The following INF2 variants were observed in gnomAD, a reference collection of about 807,000 sequenced individuals.
INF2 encodes inverted formin 2.
INF2 carries 43 observed loss-of-function variants against 123.5 expected under a neutral mutation model. That is an observed-to-expected ratio of 0.35 (90% confidence interval 0.27 to 0.45). The LOEUF (loss-of-function observed/expected upper bound fraction) is 0.45. Ranked by LOEUF, INF2 falls within the 20% of genes least tolerant of loss-of-function variation. The probability of loss-of-function intolerance (pLI) is 1.00; values close to 1 mark genes in which losing one functional copy is unlikely to be tolerated. For missense variants in INF2, 1,453 were observed against 1,682.7 expected (o/e 0.86, Z 2.39); for synonymous variants, 851 against 745.0 (o/e 1.14, Z -2.32).
chr14:104,703,244 G>A (rs1490383020), intron 3 of INF2, 24 bp downstream of exon 3: 2 of 1,613,054 alleles, frequency 1.2e-6, no homozygotes, highest in African/African-American at 2.7e-5. Context: ...CCTGGGCCTG[G>A]GCACATGGGG....
intron 1 of INF2, among the ~76,000 whole-genome samples, chr14:104,690,892 G>A (rs1425216920): frequency 6.6e-6 from 1 of 152,216 alleles, no homozygotes; most frequent in Non-Finnish European, 1.5e-5. Context: ...GCAGCAAATA[G>A]TAGCATTGGG....
intron 1 of INF2, among the ~76,000 whole-genome samples, chr14:104,698,735 G>A (rs1269836923): frequency 6.6e-6 from 1 of 151,896 alleles, no homozygotes; most frequent in East Asian, 1.9e-4. Context: ...AGCCTGACGG[G>A]GGGCCTGGGT....
intron 13 of INF2, among the ~76,000 whole-genome samples, chr14:104,710,483 GCA>G (rs766238200): frequency 6.7e-6 from 1 of 149,398 alleles, no homozygotes; most frequent in Non-Finnish European, 1.5e-5. Flanking sequence ...TCAGGCACGT[GCA>G]CACACGCATG....
At chr14:104,695,220 T>G (rs1566774160) in intron 1 of INF2, among the ~76,000 whole-genome samples, 1 of 152,066 alleles carries the variant, frequency 6.6e-6, no homozygotes, top group Non-Finnish European at 1.5e-5. Context: ...TCCCAGTCCC[T>G]AACCACAGAT....
rs1313686700 is a variant in INF2, at chr14:104,719,106, G to A, written c.*313G>A. On this transcript the variant is annotated 3_prime_UTR_variant, in exon 23 of 23. Transcript: ENST00000392634. Reference sequence around the variant, plus strand: ...CGGTGCAGCCTGCCAAGGGCCAGTCGGGGGGTGCTGCGTCCTGCCAGTGTC... The same window carrying A: ...CGGTGCAGCCTGCCAAGGGCCAGTCAGGGGGTGCTGCGTCCTGCCAGTGTC... 38 of 481,112 alleles carry A rather than the reference G, an allele frequency of 7.9e-5. 1 individual carries two copies. Among genetic ancestry groups the A allele is most frequent in the East Asian group, 1.4e-4 (4 of 28,064 alleles). 29.8% of individuals were successfully genotyped at this position (481,112 alleles called of 1,614,324 possible).
Position 104,711,012 on chromosome 14 carries a change from GT to G in INF2, c.2310+6del. Reference sequence around the variant, plus strand: ...ATTGGGAACTTCCTCAACTACGTAAGTCAGGGGCAGCTCCCCATCCCACCTG... The same window carrying G: ...ATTGGGAACTTCCTCAACTACGTAAGCAGGGGCAGCTCCCCATCCCACCTG... On this transcript the variant is annotated splice_donor_region_variant and intron_variant, in intron 14 of 22. Transcript: ENST00000392634. 1 of 1,556,662 alleles carries G rather than the reference GT, an allele frequency of 6.4e-7. No individual in the cohort carries two copies.
chr14:104,704,569 G>C (rs563222833), intron 5 of INF2: 1 of 156,960 alleles, frequency 6.4e-6, no homozygotes, highest in African/African-American at 2.4e-5. Context: ...AAGGGATCCA[G>C]GCTGCGCGCT....
exon 1 of INF2, chr14:104,681,260 A>G: frequency 2.8e-6 from 1 of 360,892 alleles, no homozygotes; most frequent in Non-Finnish European, 5.5e-6. Context: ...CCCCACTGTA[A>G]TAGGGGCCTC....
chr14:104,710,930 C>T lies in INF2; in HGVS notation c.2240-7C>T, dbSNP rs374969245. On this transcript the variant is annotated splice_region_variant and splice_polypyrimidine_tract_variant and intron_variant, in intron 13 of 22. Transcript: ENST00000392634. The stretch of plus-strand genomic sequence containing the variant: ...GAGCCCCTCTCCAGCCCTGGCTGCC[C>T]CTGCAGGCCTGCTCACCAGCCGCCA... 6.2e-7 allele frequency: 1 copy of T among 1,611,852 alleles called. No homozygotes were observed. Among genetic ancestry groups the T allele is most frequent in the Non-Finnish European group, 8.5e-7 (1 of 1,179,390 alleles).
At chr14:104,686,874 A>G (rs1485333103), upstream of INF2, among the ~76,000 whole-genome samples, 1 of 152,190 alleles carries the variant, frequency 6.6e-6, no homozygotes, top group Admixed American at 6.5e-5. Context: ...GTCGGTGCCA[A>G]GGCCTGCTCT....
At chr14:104,705,931 G>A in intron 5 of INF2, 104 bp from the exon 6 acceptor site, 1 of 1,435,550 alleles carries the variant, frequency 7.0e-7, no homozygotes, top group Non-Finnish European at 9.5e-7. Context: ...CAGAGTCCCA[G>A]GTGGGCTGAG....
Position 104,706,098 on chromosome 14 carries a change from C to G in INF2, c.765C>G (p.Asp255Glu). Residue 255 changes from aspartate (D) to glutamate (E), a missense_variant, in exon 6 of 23, where the codon GAC becomes GAG. By Grantham distance (45) the Asp-to-Glu change is conservative (BLOSUM62 2). Around this residue, in one of 8 missense-constraint regions of INF2, gnomAD observed 251 missense variants for 349.4 expected, o/e 0.72. Coordinates refer to ENST00000392634, the MANE Select transcript of INF2 (RefSeq NM_022489.4). ...LEAFEEAKAE[D>E]EEELLRVSGG... ...CTTTCGAGGAGGCTAAGGCCGAGGA[C>G]GAGGAGGAGCTGCTGCGAGTCTCTG... 1.2e-6 allele frequency: 2 copies of G among 1,612,512 alleles called. No homozygotes were observed. The highest frequency in any genetic ancestry group is 1.7e-6 in the Non-Finnish European group (2 of 1,179,690).
intron 7 of INF2, 47 bp downstream of exon 7, chr14:104,707,098 C>T (rs1383970535): frequency 3.2e-6 from 5 of 1,546,696 alleles, no homozygotes; most frequent in Non-Finnish European, 4.3e-6. Flanking sequence ...TGGGCAGACA[C>T]TGAGGTCTTA....
At chr14:104,718,420 C>T (rs555066253) in intron 22 of INF2, among the ~76,000 whole-genome samples, 9 of 151,350 alleles carry the variant, frequency 5.9e-5, no homozygotes, top group African/African-American at 2.2e-4. Context: ...GCCCAGGGCC[C>T]GACGTGGAAG....
At chr14:104,709,476 G>A in intron 11 of INF2, 93 bp downstream of exon 11, 2 of 1,284,538 alleles carry the variant, frequency 1.6e-6, no homozygotes, top group Non-Finnish European at 2.3e-6. Flanking sequence ...GACAGAGAAG[G>A]GAGGCATCCC....
At position 104,710,116 on chromosome 14, in the gene INF2, C is replaced by G; in HGVS notation, c.2167C>G (p.Leu723Val). 1 of 1,553,028 alleles carries G rather than the reference C, an allele frequency of 6.4e-7. No individual in the cohort carries two copies. The highest frequency in any genetic ancestry group is 8.7e-7 in the Non-Finnish European group (1 of 1,148,792). Residue 723 changes from leucine to valine, a missense_variant, in exon 13 of 23, where the codon CTG becomes GTG. Transcript: ENST00000392634. The part of the protein sequence containing the change: ...CYQLRIECML[L>V]CEGAAAVLDM... Reference sequence around the variant, plus strand: ...CCAGCTGCGAATCGAGTGCATGCTGCTGTGTGAGGGCGCGGCCGCCGTGCT... The same window carrying G: ...CCAGCTGCGAATCGAGTGCATGCTGGTGTGTGAGGGCGCGGCCGCCGTGCT...
intron 1 of INF2, among the ~76,000 whole-genome samples, chr14:104,697,692 G>T (rs1889255667): frequency 6.6e-6 from 1 of 152,252 alleles, no homozygotes; most frequent in African/African-American, 2.4e-5. Flanking sequence ...GGGGGACCCT[G>T]CCTGCCAGAG....
chr14:104,703,519 G>T, intron 4 of INF2, 65 bp downstream of exon 4: 5 of 1,587,716 alleles, frequency 3.1e-6, no homozygotes, highest in Non-Finnish European at 4.3e-6. Flanking sequence ...ATCCCATGCT[G>T]CATCCACCTG....
chr14:104,718,647 T>A, intron 22 of INF2, 148 bp from the exon 23 acceptor site: 1 of 1,404,562 alleles, frequency 7.1e-7, no homozygotes, highest in South Asian at 1.3e-5. Context: ...AGAAAGAGCC[T>A]GGGGTCAGAG....
Sources: gnomAD v4.1 joint callset for allele counts (sites outside exome capture counted in the v4.1 genomes callset) on GRCh38, gnomAD v4.1.1 for gene constraint, gnomAD v4.1.1 regional missense constraint, MANE v1.5 for transcripts, NCBI Gene and HGNC (gene_info 2026-07-23, HGNC 2026-07-21) for gene names.